Variants in SYNC observed in about 807,000 individuals in gnomAD.
The protein encoded by SYNC is syncoilin, intermediate filament protein, also known as syncoilin.
SYNC carries 38 observed loss-of-function variants against 49.5 expected under a neutral mutation model. The observed-to-expected ratio is 0.77, with a 90% confidence interval of 0.59 to 1.01. The LOEUF (loss-of-function observed/expected upper bound fraction) is 1.01. SYNC is among the 50% of genes least tolerant of loss of function. The pLI, the probability that SYNC is intolerant of heterozygous loss-of-function variation, is 0.00. For missense variants in SYNC, 579 were observed against 580.6 expected (o/e 1.00, Z 0.03); for synonymous variants, 201 against 230.8 (o/e 0.87, Z 1.17).
intron 2 of SYNC, among the ~76,000 whole-genome samples, chr1:32,691,620 C>A (rs1351445888): frequency 1.3e-5 from 2 of 151,714 alleles, no homozygotes; most frequent in Non-Finnish European, 2.9e-5. Context: ...AATGATGCAG[C>A]AGACTACTGA....
chr1:32,683,436 G>T (rs1649586749), intron 4 of SYNC: 1 of 152,240 alleles, frequency 6.6e-6, no homozygotes, highest in Non-Finnish European at 1.5e-5. Flanking sequence ...AGAATAGCAG[G>T]TGGGTAGGGT....
At chr1:32,688,220 C>T (rs1261029170) in intron 2 of SYNC, among the ~76,000 whole-genome samples, 1 of 152,146 alleles carries the variant, frequency 6.6e-6, no homozygotes, top group African/African-American at 2.4e-5. Context: ...TACATCCTCG[C>T]TCCATCACTC....
At chr1:32,685,531 C>T (rs1266142524) in intron 2 of SYNC, 2 of 152,188 alleles carry the variant, frequency 1.3e-5, no homozygotes, top group Non-Finnish European at 2.9e-5. Context: ...GATAATTTGT[C>T]CTCTGAGTCA....
chr1:32,681,641 T>G lies in SYNC; in HGVS notation c.*209A>C. ...AGTATCAACAGCAGATGAAATAGAA[T>G]CCAGCAAAGAGTTGACATGTTCTGC... On this transcript the variant is annotated 3_prime_UTR_variant, in exon 5 of 5. Coordinates refer to ENST00000409190, the MANE Select transcript of SYNC (RefSeq NM_030786.3). 1.5e-6 allele frequency: 1 copy of G among 673,148 alleles called. No homozygotes were observed. The highest frequency in any genetic ancestry group is 2.6e-6 in the Non-Finnish European group (1 of 389,238). The allele number at this position is 673,148 out of a possible 1,614,324, so 41.7% of individuals were successfully genotyped here. A position where few individuals can be genotyped will look rare whatever the true frequency, so the allele number is the denominator to read the frequency against.
At chr1:32,682,778 A>C (rs1217548920) in intron 4 of SYNC, 1 of 151,964 alleles carries the variant, frequency 6.6e-6, no homozygotes, top group Non-Finnish European at 1.5e-5. Context: ...CAAAAAAAAA[A>C]GAAAGTTGTG....
intron 2 of SYNC, among the ~76,000 whole-genome samples, chr1:32,688,746 C>A (rs1253942635): frequency 6.6e-6 from 1 of 151,878 alleles, no homozygotes; most frequent in African/African-American, 2.4e-5. Context: ...CCACGCCCGG[C>A]TAATTTTTTG....
chr1:32,696,000 C>A lies in SYNC; in HGVS notation c.98G>T (p.Gly33Val). 1.3e-6 allele frequency: 2 copies of A among 1,540,092 alleles called. No individual in the cohort carries two copies. Among genetic ancestry groups the A allele is most frequent in the South Asian group, 1.2e-5 (1 of 84,050 alleles). ...EANSPLPKNS[G>V]SLNEAEALNP... ...CAAGGCTTCTGCCTCATTTAGGGAT[C>A]CAGAGTTCTTTGGAAGAGGAGAATT... The change falls in exon 2 of 5, where the codon GGA (glycine) becomes GTA (valine). Residue 33 changes from glycine (G) to valine (V), a missense_variant. Gly to Val is a moderately radical substitution (Grantham distance 109, BLOSUM62 -3). Coordinates refer to ENST00000409190, the MANE Select transcript of SYNC (RefSeq NM_030786.3).
At chr1:32,699,728 CTTT>C (rs58903413) in intron 1 of SYNC, among the ~76,000 whole-genome samples, 2 of 126,020 alleles carry the variant, frequency 1.6e-5, no homozygotes, top group East Asian at 4.6e-4. Context: ...CCAAACATAC[CTTT>C]TTTTTTTTTT....
Position 32,680,365 on chromosome 1 carries a change from T to TG in SYNC, c.*1484_*1485insC. ...TTTTTTTTTTGTTGTTGGTTTTTTT[T>TG]TTTTTTTTTTTAACTTGGGACCACC... On this transcript the variant is annotated 3_prime_UTR_variant, in exon 5 of 5. Transcript: ENST00000409190. 1.8e-6 allele frequency: 2 copies of TG among 1,136,348 alleles called. No individual in the cohort carries two copies. The highest frequency in any genetic ancestry group is 2.2e-6 in the Non-Finnish European group (2 of 922,024). 70.4% of individuals were successfully genotyped at this position (1,136,348 alleles called of 1,614,324 possible).
chr1:32,688,987 G>A (rs991573600), intron 2 of SYNC, among the ~76,000 whole-genome samples: 25 of 151,678 alleles, frequency 1.6e-4, no homozygotes, highest in African/African-American at 6.1e-4. Context: ...TTGCCAGGCT[G>A]GAGTGCAGTG....
chr1:32,695,538 G>T lies in SYNC; in HGVS notation c.560C>A (p.Ala187Asp). 1 of 1,551,374 alleles carries T rather than the reference G, an allele frequency of 6.4e-7. No homozygotes were observed. The highest frequency in any genetic ancestry group is 8.7e-7 in the Non-Finnish European group (1 of 1,146,950). ...CTGATCCCTCTCCTCTTCCAGCTGGGCCACAGCTTGGACACACTGCTGGAA... is the reference window on the plus strand; with the variant it reads ...CTGATCCCTCTCCTCTTCCAGCTGGTCCACAGCTTGGACACACTGCTGGAA... ...GRFQQCVQAV[A>D]QLEEERDQLI... is the part of the protein sequence containing the mutation. The change falls in exon 2 of 5, where the codon GCC becomes GAC. Residue 187 changes from alanine (A) to aspartate (D), a missense_variant. Coordinates refer to ENST00000409190, the MANE Select transcript of SYNC (RefSeq NM_030786.3).
chr1:32,690,418 G>A lies in SYNC; in HGVS notation c.1233+4447C>T, dbSNP rs371588448. ...TCCCAGCACATTGGGAGGCCGAGACGGGTGGATCACGAGGTCAGGAGTTGG... is the reference window on the plus strand; with the variant it reads ...TCCCAGCACATTGGGAGGCCGAGACAGGTGGATCACGAGGTCAGGAGTTGG... On this transcript the variant is annotated intron_variant, in intron 2 of 4. Coordinates refer to ENST00000409190, the MANE Select transcript of SYNC (RefSeq NM_030786.3). Among the ~76,000 whole-genome samples, 43 of 147,860 alleles carry A rather than the reference G, an allele frequency of 2.9e-4. No homozygotes were observed. The South Asian group carries it at 6.5e-3, about 22-fold the overall frequency.
intron 2 of SYNC, among the ~76,000 whole-genome samples, chr1:32,687,855 A>ATTATTATTATTATTATTATTATTATT (rs71006359): frequency 0.07 from 9,471 of 135,332 alleles, 447 homozygotes; most frequent in Non-Finnish European, 0.084. Flanking sequence ...TATTATTATT[A>ATTATTATTATTATTATTATTATTATT]TTATTATTTT....
chr1:32,680,202 A>G lies in SYNC; in HGVS notation c.*1648T>C. The G allele has an allele frequency of 1.8e-6, 2 of 1,117,366 alleles. No homozygotes were observed. The highest frequency in any genetic ancestry group is 1.6e-5 in the African/African-American group (1 of 60,954). The allele number at this position is 1,117,366 out of a possible 1,614,324, so 69.2% of individuals were successfully genotyped here. ...TTCCAGGATGCACATTTTCATACGT[A>G]GACCAGTTTCCTCTTGGTTTCTTCA... On this transcript the variant is annotated 3_prime_UTR_variant, in exon 5 of 5. Coordinates refer to ENST00000409190, the MANE Select transcript of SYNC (RefSeq NM_030786.3).
At chr1:32,688,615 T>C (rs1229576981) in intron 2 of SYNC, among the ~76,000 whole-genome samples, 1 of 152,166 alleles carries the variant, frequency 6.6e-6, no homozygotes, top group Non-Finnish European at 1.5e-5. Context: ...TACAAACTTT[T>C]TTTAAGGCGG....
chr1:32,689,552 AATT>A (rs1186079079), intron 2 of SYNC, among the ~76,000 whole-genome samples: 1 of 151,946 alleles, frequency 6.6e-6, no homozygotes, highest in Non-Finnish European at 1.5e-5. Context: ...GGCCCACAGT[AATT>A]AGGCACTTAG....
At chr1:32,687,934 C>G (rs922671067) in intron 2 of SYNC, among the ~76,000 whole-genome samples, 2 of 151,270 alleles carry the variant, frequency 1.3e-5, no homozygotes, top group African/African-American at 4.9e-5. Flanking sequence ...ACTGCAACCT[C>G]CAGCTCCTGG....
intron 1 of SYNC, among the ~76,000 whole-genome samples, chr1:32,698,663 G>A (rs1169952756): frequency 6.6e-6 from 1 of 152,132 alleles, no homozygotes; most frequent in African/African-American, 2.4e-5. Context: ...TGAGCTCTTT[G>A]ACCCAGCTGC....
chr1:32,697,239 C>T (rs1650474002), intron 1 of SYNC, among the ~76,000 whole-genome samples: 1 of 150,406 alleles, frequency 6.6e-6, no homozygotes, highest in African/African-American at 2.4e-5. Context: ...GTCGGGAGTT[C>T]AAGACCAGCC....
Sources: gnomAD v4.1 joint callset for allele counts (sites outside exome capture counted in the v4.1 genomes callset) on GRCh38, gnomAD v4.1.1 for gene constraint, MANE v1.5 for transcripts, NCBI Gene and HGNC (gene_info 2026-07-23, HGNC 2026-07-21) for gene names.